FSTL5: variants seen among roughly 807,000 people sequenced by gnomAD.
FSTL5 encodes follistatin like 5.
A neutral mutation model predicts 89.1 loss-of-function variants in FSTL5; 62 were observed. That is an observed-to-expected ratio of 0.70 (90% CI 0.57 to 0.86). The LOEUF (loss-of-function observed/expected upper bound fraction) is 0.86, where lower values mean the gene tolerates loss of function less well. Ranked by LOEUF, FSTL5 falls within the 40% of genes least tolerant of loss-of-function variation. FSTL5 has a pLI of 0.00. For synonymous variants in FSTL5, 383 were observed against 346.2 expected, an observed-to-expected ratio of 1.11 and a Z score of -1.18; for missense variants, 1,057 against 1,001.6, an observed-to-expected ratio of 1.06 and a Z score of -0.75.
At chr4:161,655,298 T>C (rs145737610) in intron 7 of FSTL5, among the ~76,000 whole-genome samples, 597 of 152,170 alleles carry the variant, frequency 3.9e-3, no homozygotes, top group African/African-American at 0.014. Flanking sequence ...GCTTTTTTTT[T>C]TCTTGACCTA....
chr4:161,917,397 C>T (rs1733871722), intron 4 of FSTL5, among the ~76,000 whole-genome samples: 1 of 152,062 alleles, frequency 6.6e-6, no homozygotes, highest in Admixed American at 6.6e-5. Context: ...TTTTCCAGGA[C>T]TTTTTAATTA....
chr4:161,442,233 C>A (rs893473017), intron 15 of FSTL5, among the ~76,000 whole-genome samples: 1 of 150,808 alleles, frequency 6.6e-6, no homozygotes, highest in Admixed American at 6.6e-5. Flanking sequence ...CTCAAATACA[C>A]TCTTTAAAGA....
intron 3 of FSTL5, among the ~76,000 whole-genome samples, chr4:161,997,562 T>C (rs948075623): frequency 1.3e-5 from 2 of 151,984 alleles, no homozygotes; most frequent in Non-Finnish European, 2.9e-5. Flanking sequence ...TTTAAGTCTT[T>C]ATATGAAATA....
chr4:162,120,939 C>T (rs889620620), intron 1 of FSTL5, among the ~76,000 whole-genome samples: 1 of 151,866 alleles, frequency 6.6e-6, no homozygotes, highest in Non-Finnish European at 1.5e-5. Flanking sequence ...TTTATAGAAT[C>T]ATCTATTTGA....
chr4:161,952,223 T>C (rs905892793), intron 3 of FSTL5, among the ~76,000 whole-genome samples: 3 of 152,008 alleles, frequency 2.0e-5, no homozygotes, highest in African/African-American at 7.2e-5. Flanking sequence ...CTCTCTCTTT[T>C]TGATAGAAAA....
intron 6 of FSTL5, among the ~76,000 whole-genome samples, chr4:161,674,387 G>A (rs1297814096): frequency 5.3e-5 from 8 of 152,054 alleles, no homozygotes; most frequent in Non-Finnish European, 7.4e-5. Flanking sequence ...AATAAAAGAC[G>A]GAAAAATGTC....
rs1157807176 is a variant in FSTL5 at position 162,063,411 on chromosome 4, A to C, written c.127-29753T>G. ...ATTTTAATTTCAAAAGCCCTATTTT[A>C]ATCACTTCCTAAGTTTTATTGATAG... On this transcript the variant is annotated intron_variant, in intron 2 of 15. Transcript: ENST00000306100. Among the ~76,000 whole-genome samples, 4 of 152,002 alleles carry C rather than the reference A, an allele frequency of 2.6e-5. No individual in the cohort carries two copies. The East Asian group carries it at 5.8e-4, about 22-fold the overall frequency.
At chr4:162,057,051 T>C (rs1026175652) in intron 2 of FSTL5, among the ~76,000 whole-genome samples, 9 of 152,348 alleles carry the variant, frequency 5.9e-5, no homozygotes, top group Admixed American at 3.9e-4. Context: ...CTGTTTCACA[T>C]AGAAAGGCCT....
chr4:161,534,414 C>T (rs1164955051), intron 10 of FSTL5, among the ~76,000 whole-genome samples: 1 of 152,054 alleles, frequency 6.6e-6, no homozygotes, highest in Non-Finnish European at 1.5e-5. Flanking sequence ...AAACTAGCAA[C>T]ATTTCTATAT....
chr4:161,678,409 T>C (rs1325943440), intron 6 of FSTL5, among the ~76,000 whole-genome samples: 1 of 151,848 alleles, frequency 6.6e-6, no homozygotes, highest in Non-Finnish European at 1.5e-5. Flanking sequence ...ATCTTTTTGG[T>C]TTTTAAGGCC....
intron 6 of FSTL5, among the ~76,000 whole-genome samples, chr4:161,747,032 T>C (rs1278781855): frequency 6.6e-6 from 1 of 152,212 alleles, no homozygotes; most frequent in Non-Finnish European, 1.5e-5. Context: ...GTGGTCTTTT[T>C]CCATTGCCCC....
Position 161,661,863 on chromosome 4 carries a change from C to A in FSTL5, c.728-5369G>T, listed in dbSNP as rs367735258. 6.6e-5 allele frequency among the ~76,000 whole-genome samples: 10 copies of A among 152,198 alleles called. No individual in the cohort carries two copies. The East Asian group carries it at 1.2e-3, about 18-fold the overall frequency. On this transcript the variant is annotated intron_variant, in intron 6 of 15. Transcript: ENST00000306100. ...CAGAAGTGACACCACAGCAAACAAA[C>A]ACATAAACAGCATGAACTAAATACA...
At chr4:161,620,693 A>C (rs1458686053) in intron 7 of FSTL5, among the ~76,000 whole-genome samples, 1 of 152,124 alleles carries the variant, frequency 6.6e-6, no homozygotes, top group Non-Finnish European at 1.5e-5. Flanking sequence ...AAAAGTGCTA[A>C]CAGAGTTCTT....
At chr4:161,476,233 G>GCTGGA (rs1379037351) in intron 13 of FSTL5, among the ~76,000 whole-genome samples, 3 of 119,410 alleles carry the variant, frequency 2.5e-5, no homozygotes, top group East Asian at 5.6e-4. Context: ...TGTTGCCCAG[G>GCTGGA]CTGGAGTGCA....
intron 3 of FSTL5, among the ~76,000 whole-genome samples, chr4:162,016,651 C>T (rs918578926): frequency 6.6e-6 from 1 of 152,120 alleles, no homozygotes; most frequent in Non-Finnish European, 1.5e-5. Flanking sequence ...ATGGCTTCCC[C>T]AGGCTTCAAA....
chr4:162,122,084 T>C (rs919313572), intron 1 of FSTL5, among the ~76,000 whole-genome samples: 1 of 152,008 alleles, frequency 6.6e-6, no homozygotes, highest in Admixed American at 6.6e-5. Context: ...ATAGTTAAGT[T>C]TGGGGGGAGT....
At chr4:161,643,137 T>G (rs1164031710) in intron 7 of FSTL5, among the ~76,000 whole-genome samples, 1 of 152,196 alleles carries the variant, frequency 6.6e-6, no homozygotes, top group African/African-American at 2.4e-5. Flanking sequence ...TATTATTGTG[T>G]TATATGTTTT....
At chr4:161,713,397 G>A (rs1342302561) in intron 6 of FSTL5, among the ~76,000 whole-genome samples, 1 of 152,160 alleles carries the variant, frequency 6.6e-6, no homozygotes, top group Non-Finnish European at 1.5e-5. Flanking sequence ...GTTAAGTAGT[G>A]TAGGAAAAAG....
intron 7 of FSTL5, among the ~76,000 whole-genome samples, chr4:161,622,123 T>C (rs1356296368): frequency 1.3e-5 from 2 of 152,136 alleles, no homozygotes; most frequent in Non-Finnish European, 2.9e-5. Flanking sequence ...ATCAATAAAT[T>C]TGTAAACAGG....
Sources: gnomAD v4.1 joint callset for allele counts (sites outside exome capture counted in the v4.1 genomes callset) on GRCh38, gnomAD v4.1.1 for gene constraint, MANE v1.5 for transcripts, NCBI Gene and HGNC (gene_info 2026-07-23, HGNC 2026-07-21) for gene names.